Variants in EPB41L4B observed in about 807,000 individuals in gnomAD.
EPB41L4B encodes the protein erythrocyte membrane protein band 4.1 like 4B.
EPB41L4B carries 30 observed loss-of-function variants against 112.5 expected under a neutral mutation model. The ratio of observed to expected loss-of-function variants is 0.27; its 90% CI spans 0.20 to 0.36. The LOEUF (loss-of-function observed/expected upper bound fraction) is 0.36. Ranked by LOEUF, EPB41L4B falls within the 10% of genes least tolerant of loss-of-function variation. EPB41L4B has a pLI of 1.00. For missense variants in EPB41L4B, 1,024 were observed against 1,133.3 expected, an observed-to-expected ratio of 0.90 and a Z score of 1.38; for synonymous variants, 408 against 439.7, an observed-to-expected ratio of 0.93 and a Z score of 0.90.
At chr9:109,312,469 C>T (rs374692231) in intron 1 of EPB41L4B, among the ~76,000 whole-genome samples, 2 of 152,110 alleles carry the variant, frequency 1.3e-5, no homozygotes, top group Non-Finnish European at 2.9e-5. Context: ...GCTCAGGGGT[C>T]GCCATCCAGC....
chr9:109,269,788 T>C (rs1018951716), intron 2 of EPB41L4B, among the ~76,000 whole-genome samples: 7 of 152,096 alleles, frequency 4.6e-5, no homozygotes, highest in African/African-American at 1.7e-4. Flanking sequence ...TGACTGCCAA[T>C]GGGCTTTCAG....
At chr9:109,266,085 T>A (rs1243478384) in intron 4 of EPB41L4B, among the ~76,000 whole-genome samples, 2 of 152,216 alleles carry the variant, frequency 1.3e-5, no homozygotes, top group African/African-American at 2.4e-5. Flanking sequence ...CAGGATACCA[T>A]CTTGTATACT....
chr9:109,202,083 C>G lies in EPB41L4B; in HGVS notation c.1946+1580G>C, dbSNP rs557731676. On this transcript the variant is annotated intron_variant, in intron 19 of 25. Transcript: ENST00000374566. Reference sequence around the variant, plus strand: ...AGTCAAATTGCCAGGACTTGGTGACCAATTAGATGAGGGAATAAGGTAGGA... The same window carrying G: ...AGTCAAATTGCCAGGACTTGGTGACGAATTAGATGAGGGAATAAGGTAGGA... 3.3e-5 allele frequency among the ~76,000 whole-genome samples: 5 copies of G among 152,032 alleles called. No individual in the cohort carries two copies. In the South Asian group the frequency reaches 1.0e-3, roughly 32 times the overall value.
chr9:109,248,350 T>C (rs1294133588), intron 13 of EPB41L4B, among the ~76,000 whole-genome samples: 1 of 152,212 alleles, frequency 6.6e-6, no homozygotes, highest in Non-Finnish European at 1.5e-5. Context: ...ACTGGGAACT[T>C]CACATCTGTT....
At position 109,256,414 on chromosome 9, in the gene EPB41L4B, C is replaced by G; in HGVS notation, c.819G>C (p.Gly273=). Residue 273 remains glycine, a synonymous_variant, in exon 8 of 26, where the codon GGG becomes GGC. Transcript: ENST00000374566. ...LNKAKWLEMY[G]VDMHVVRGRD... ...TTACCCTGACAACGTGCATGTCTAC[C>G]CCATACATTTCCAGCCACTTCGCTT... 6.2e-7 allele frequency: 1 copy of G among 1,614,198 alleles called. No individual in the cohort carries two copies. Among genetic ancestry groups the G allele is most frequent in the South Asian group, 1.1e-5 (1 of 91,082 alleles).
Position 109,174,573 on chromosome 9 carries a change from A to C in EPB41L4B, c.2684T>G (p.Leu895Arg). The C allele has an allele frequency of 6.2e-7, 1 of 1,614,112 alleles. No homozygotes were observed. Among genetic ancestry groups the C allele is most frequent in the East Asian group, 2.2e-5 (1 of 44,874 alleles). ...ELEREKMMKRLLMTEL is the reference protein window; with the variant it reads ...ELEREKMMKRRLMTEL The stretch of plus-strand genomic sequence containing the variant: ...AGAATTTCACAGTTCGGTCATCAAC[A>C]GTCTTTTCATCATCTTCTCTCTCTC... Residue 895 changes from leucine (L) to arginine (R), a missense_variant, in exon 26 of 26, where the codon CTG (leucine) becomes CGG (arginine). By Grantham distance (102) the Leu-to-Arg change is moderately radical (BLOSUM62 -2). Coordinates refer to ENST00000374566, the MANE Select transcript of EPB41L4B (RefSeq NM_019114.5).
chr9:109,284,021 T>A (rs1183545788), intron 1 of EPB41L4B, among the ~76,000 whole-genome samples: 1 of 152,028 alleles, frequency 6.6e-6, no homozygotes, highest in Non-Finnish European at 1.5e-5. Flanking sequence ...TCACTTGAAG[T>A]TCAAGGTTGC....
intron 15 of EPB41L4B, among the ~76,000 whole-genome samples, chr9:109,223,018 T>C (rs1210547859): frequency 6.6e-6 from 1 of 152,146 alleles, no homozygotes; most frequent in Non-Finnish European, 1.5e-5. Flanking sequence ...CTTTATTGCT[T>C]GCAGAACAAG....
intron 14 of EPB41L4B, among the ~76,000 whole-genome samples, chr9:109,247,472 G>C (rs1317522647): frequency 6.6e-6 from 1 of 152,082 alleles, no homozygotes; most frequent in East Asian, 1.9e-4. Flanking sequence ...GCTGTGTGTG[G>C]CCACCCAGAA....
intron 14 of EPB41L4B, 142 bp downstream of exon 14, chr9:109,247,614 T>C (rs914425646): frequency 1.1e-5 from 6 of 528,016 alleles, no homozygotes; most frequent in Non-Finnish European, 1.8e-5. Flanking sequence ...AAACAAATAT[T>C]GTTATTATTT....
At chr9:109,269,666 T>A (rs764086039) in intron 2 of EPB41L4B, among the ~76,000 whole-genome samples, 4 of 152,234 alleles carry the variant, frequency 2.6e-5, no homozygotes, top group Non-Finnish European at 4.4e-5. Context: ...ACTGTTCCCA[T>A]CACTTTATGT....
chr9:109,320,473 G>T lies in EPB41L4B; in HGVS notation c.-27C>A. On this transcript the variant is annotated 5_prime_UTR_variant, in exon 1 of 26. Coordinates refer to ENST00000374566, the MANE Select transcript of EPB41L4B (RefSeq NM_019114.5). ...CTGGCTGGGGGCGCCCCCTGCCTCC[G>T]CCCCCTGCGCTGCCGCTGCCGCTGC... 1.0e-6 allele frequency: 1 copy of T among 956,058 alleles called. No individual in the cohort carries two copies. The highest frequency in any genetic ancestry group is 1.2e-6 in the Non-Finnish European group (1 of 811,558). 59.2% of individuals were successfully genotyped at this position (956,058 alleles called of 1,614,324 possible). A position where few individuals can be genotyped will look rare whatever the true frequency, so the allele number is the denominator to read the frequency against.
intron 6 of EPB41L4B, among the ~76,000 whole-genome samples, chr9:109,260,011 G>A (rs1835139227): frequency 6.6e-6 from 1 of 152,200 alleles, no homozygotes; most frequent in African/African-American, 2.4e-5. Context: ...GGGTTGGGGA[G>A]AGGGGGCACG....
chr9:109,316,400 C>A (rs910854973), intron 1 of EPB41L4B, among the ~76,000 whole-genome samples: 1 of 152,214 alleles, frequency 6.6e-6, no homozygotes, highest in Non-Finnish European at 1.5e-5. Flanking sequence ...CGAGCAAAAG[C>A]GATGCCAGGG....
At chr9:109,288,722 CAAAAAAAAAAAAAAAA>C (rs386415824) in intron 1 of EPB41L4B, among the ~76,000 whole-genome samples, 11 of 23,036 alleles carry the variant, frequency 4.8e-4, no homozygotes, top group African/African-American at 9.0e-4. Context: ...GACTCCGTCT[CAAAAAAAAAAAAAAAA>C]AAAAAAAAAA....
At position 109,298,438 on chromosome 9, in the gene EPB41L4B, T is replaced by A. The variant is rs1005622439; in HGVS notation, c.307-18517A>T. Among the ~76,000 whole-genome samples the A allele has an allele frequency of 2.0e-5, 3 of 151,758 alleles. No individual in the cohort carries two copies. In the East Asian group the frequency reaches 5.8e-4, roughly 29 times the overall value. On this transcript the variant is annotated intron_variant, in intron 1 of 25. Coordinates refer to ENST00000374566, the MANE Select transcript of EPB41L4B (RefSeq NM_019114.5). ...AAGCAATTCTCCTGCCTCAGCCTCC[T>A]GAGTAGCTGGGATTACAGGCGCCTG... is the stretch of plus-strand genomic sequence containing the variant.
chr9:109,200,642 G>T (rs1164565080), intron 19 of EPB41L4B, among the ~76,000 whole-genome samples: 1 of 152,068 alleles, frequency 6.6e-6, no homozygotes, highest in African/African-American at 2.4e-5. Flanking sequence ...CAATATGAGG[G>T]GTGAACCAGA....
chr9:109,235,394 T>C (rs1028328111), intron 15 of EPB41L4B, among the ~76,000 whole-genome samples: 19 of 138,264 alleles, frequency 1.4e-4, no homozygotes, highest in African/African-American at 4.9e-4. Context: ...GCTAGACTTT[T>C]TTTTTTTTTT....
chr9:109,282,411 G>T (rs1836101264), intron 1 of EPB41L4B, among the ~76,000 whole-genome samples: 1 of 152,188 alleles, frequency 6.6e-6, no homozygotes, highest in Admixed American at 6.5e-5. Flanking sequence ...TGAATCTAAA[G>T]AAAGCTTTTA....
Sources: allele counts gnomAD v4.1 joint callset (sites outside exome capture counted in the v4.1 genomes callset), GRCh38; gene constraint gnomAD v4.1.1; transcripts MANE v1.5; gene names NCBI Gene and HGNC (gene_info 2026-07-23, HGNC 2026-07-21).